VASH2: variants seen among roughly 807,000 people sequenced by gnomAD.
VASH2 encodes vasohibin 2.
In VASH2, 28 loss-of-function variants were observed where a neutral mutation model predicts 37.2. The observed-to-expected ratio is 0.75, with a 90% CI of 0.56 to 1.03. The LOEUF (loss-of-function observed/expected upper bound fraction) is 1.03. Ranked by LOEUF, VASH2 falls within the 50% of genes least tolerant of loss-of-function variation. The pLI is 0.00. For synonymous variants in VASH2, 188 were observed against 174.7 expected (o/e 1.08, Z -0.60); for missense variants, 419 against 459.1 (o/e 0.91, Z 0.80).
rs144161657 is a variant in VASH2, at chr1:212,972,701, T to C, written c.619T>C (p.Leu207=). The change falls in exon 6 of 8, where the codon TTG becomes CTG. Residue 207 remains leucine (L), a synonymous_variant. Transcript: ENST00000517399. ...TTACTGCAATGGCCGCTATGGCTCA[T>C]TGGGCATGAGCCGCAGGGCTGAGCT... ...GIYCNGRYGS[L]GMSRRAELMD... is the part of the protein sequence containing the mutation. 118 of 1,614,236 alleles carry C rather than the reference T, an allele frequency of 7.3e-5. No individual in the cohort carries two copies. Among genetic ancestry groups the C allele is most frequent in the East Asian group, 2.9e-4 (13 of 44,886 alleles).
chr1:212,966,067 T>C (rs572584163), intron 4 of VASH2: 2 of 604,512 alleles, frequency 3.3e-6, no homozygotes, highest in East Asian at 5.5e-5. Context: ...GCTGGGGCAT[T>C]GGGAGGGTGC....
chr1:212,988,228 A>T (rs966125009), intron 7 of VASH2, among the ~76,000 whole-genome samples: 4 of 152,168 alleles, frequency 2.6e-5, no homozygotes, highest in Non-Finnish European at 5.9e-5. Context: ...CAAAAGCTAT[A>T]ATGTGACCAA....
chr1:212,971,082 T>C lies in VASH2; in HGVS notation c.498-1498T>C, dbSNP rs1389238040. Among the ~76,000 whole-genome samples the C allele has an allele frequency of 2.6e-5, 4 of 152,200 alleles. No homozygotes were observed. The highest frequency in any genetic ancestry group is 5.9e-5 in the Non-Finnish European group (4 of 68,030). Reference sequence around the variant, plus strand: ...ATTTGTCCTTTTGTATTAGGCTGATTTCACTCAGCATGTCTTCAAGGCTCA... The same window carrying C: ...ATTTGTCCTTTTGTATTAGGCTGATCTCACTCAGCATGTCTTCAAGGCTCA... On this transcript the variant is annotated intron_variant, in intron 5 of 7. Transcript: ENST00000517399. The surrounding 1 kb of genome is among the most constrained non-coding windows in gnomAD (Gnocchi z 4.0).
At chr1:212,969,283 C>T (rs915958388) in intron 5 of VASH2, 167 of 779,054 alleles carry the variant, frequency 2.1e-4, no homozygotes, top group Non-Finnish European at 2.3e-4. Context: ...AGCTCTGCCT[C>T]CCGGGTTCAC....
intron 7 of VASH2, among the ~76,000 whole-genome samples, chr1:212,986,701 T>A (rs1572085606): frequency 6.6e-6 from 1 of 151,284 alleles, no homozygotes; most frequent in East Asian, 1.9e-4. Flanking sequence ...GAGGACACCA[T>A]CCCCTGAAGG....
intron 7 of VASH2, among the ~76,000 whole-genome samples, chr1:212,984,799 G>C (rs1054800287): frequency 6.6e-6 from 1 of 152,296 alleles, no homozygotes; most frequent in East Asian, 1.9e-4. Context: ...CATGGCTTAG[G>C]TCCTACATAG....
intron 3 of VASH2, 102 bp downstream of exon 3, chr1:212,961,356 C>T (rs1205519561): frequency 5.0e-6 from 8 of 1,589,632 alleles, no homozygotes; most frequent in Non-Finnish European, 6.8e-6. Context: ...CAAAAGCTCT[C>T]TAAGGTTGGT....
intron 5 of VASH2, chr1:212,967,042 G>A: frequency 2.4e-6 from 3 of 1,253,386 alleles, no homozygotes; most frequent in Non-Finnish European, 2.1e-6. Context: ...ATCGCGCCTG[G>A]CTCGCCAGGG....
chr1:212,967,169 A>G (rs1193609808), intron 5 of VASH2: 30 of 1,304,350 alleles, frequency 2.3e-5, no homozygotes, highest in Non-Finnish European at 2.8e-5. Flanking sequence ...TCCATTTTTC[A>G]CCAGACTCCC....
At chr1:212,981,253 G>A (rs1474988693) in intron 7 of VASH2, among the ~76,000 whole-genome samples, 1 of 152,208 alleles carries the variant, frequency 6.6e-6, no homozygotes, top group Admixed American at 6.5e-5. Context: ...CTTGGCTGAG[G>A]CCTCTGTTTA....
In VASH2 at chr1:212,971,832, A is replaced by C. The variant is rs1273233066; in HGVS notation, c.498-748A>C. ...TTTAAGTGTAAGGCAGTGCACATCC[A>C]CAATCTAAGGTTCGTTCTTTCTGTA... is the stretch of plus-strand genomic sequence containing the variant. On this transcript the variant is annotated intron_variant, in intron 5 of 7. Transcript: ENST00000517399. The surrounding 1 kb of genome is among the most constrained non-coding windows in gnomAD (Gnocchi z 4.0). 6.6e-6 allele frequency among the ~76,000 whole-genome samples: 1 copy of C among 151,958 alleles called. No individual in the cohort carries two copies. The highest frequency in any genetic ancestry group is 1.5e-5 in the Non-Finnish European group (1 of 67,976).
chr1:212,976,568 T>A (rs1223109999), intron 7 of VASH2, among the ~76,000 whole-genome samples: 4 of 147,812 alleles, frequency 2.7e-5, no homozygotes, highest in South Asian at 2.1e-4. Context: ...TGAGGCCCTG[T>A]AAAAAAAAAA....
At chr1:212,973,650 G>A (rs1667078125) in intron 6 of VASH2, 1 of 1,235,526 alleles carries the variant, frequency 8.1e-7, no homozygotes, top group Non-Finnish European at 1.0e-6. Flanking sequence ...AACTTGCCAA[G>A]CAAACAAACA....
At chr1:212,977,759 G>A (rs1667221777) in intron 7 of VASH2, among the ~76,000 whole-genome samples, 2 of 152,194 alleles carry the variant, frequency 1.3e-5, no homozygotes, top group South Asian at 2.1e-4. Context: ...TGTTGAAACA[G>A]AAGACTGCTG....
At chr1:212,977,971 G>A (rs1667229353) in intron 7 of VASH2, among the ~76,000 whole-genome samples, 1 of 152,206 alleles carries the variant, frequency 6.6e-6, no homozygotes, top group Non-Finnish European at 1.5e-5. Context: ...ACAGTCACTG[G>A]CTAAAAGTAC....
intron 7 of VASH2, among the ~76,000 whole-genome samples, chr1:212,983,515 C>T (rs2102659447): frequency 6.6e-6 from 1 of 152,046 alleles, no homozygotes; most frequent in South Asian, 2.1e-4. Flanking sequence ...GGGTGATGCC[C>T]CCGGATCCAC....
chr1:212,986,714 G>A (rs1412260063), intron 7 of VASH2, among the ~76,000 whole-genome samples: 1 of 147,622 alleles, frequency 6.8e-6, no homozygotes, highest in Admixed American at 7.1e-5. Flanking sequence ...CCTGAAGGAT[G>A]GAAGCCTTGA....
rs2075846965 is a variant in VASH2 at position 212,990,419 on chromosome 1, G to A, written c.*1835G>A. 6.6e-6 allele frequency: 1 copy of A among 152,148 alleles called. No homozygotes were observed. The highest frequency in any genetic ancestry group is 6.6e-5 in the Admixed American group (1 of 15,266). 9.4% of individuals were successfully genotyped at this position (152,148 alleles called of 1,614,324 possible). Reference sequence around the variant, plus strand: ...CATGTATTCAGATGTTTGAAATAGTGAATCATTTCATTTTCATTCTAAAAC... The same window carrying A: ...CATGTATTCAGATGTTTGAAATAGTAAATCATTTCATTTTCATTCTAAAAC... On this transcript the variant is annotated 3_prime_UTR_variant, in exon 8 of 8. Transcript: ENST00000517399.
In VASH2 at chr1:212,985,166, C is replaced by T. The variant is rs369770113; in HGVS notation, c.996-3346C>T. On this transcript the variant is annotated intron_variant, in intron 7 of 7. Transcript: ENST00000517399. Reference sequence around the variant, plus strand: ...CCTTCCAAGTAGCTGGGACTACAGGCGCATGTCACCATGTCTGGCTAATTT... The same window carrying T: ...CCTTCCAAGTAGCTGGGACTACAGGTGCATGTCACCATGTCTGGCTAATTT... Among the ~76,000 whole-genome samples, 8 of 147,820 alleles carry T rather than the reference C, an allele frequency of 5.4e-5. No individual in the cohort carries two copies. In the East Asian group the frequency reaches 1.2e-3, roughly 22 times the overall value.
Sources: allele counts gnomAD v4.1 joint callset (sites outside exome capture counted in the v4.1 genomes callset), GRCh38; gene constraint gnomAD v4.1.1; non-coding constraint Gnocchi (gnomAD v3.1); transcripts MANE v1.5; gene names NCBI Gene and HGNC (gene_info 2026-07-23, HGNC 2026-07-21).